Variants in GRM8 observed in about 807,000 individuals in gnomAD.
GRM8 encodes glutamate metabotropic receptor 8.
GRM8 carries 47 observed loss-of-function variants against 87.2 expected under a neutral mutation model. That is an observed-to-expected ratio of 0.54 (90% CI 0.43 to 0.69). GRM8 has a LOEUF of 0.69. Among genes scored for constraint, GRM8 ranks in the 30% least tolerant of loss-of-function variants. GRM8 has a pLI of 0.00. For synonymous variants in GRM8, 396 were observed against 404.5 expected, an observed-to-expected ratio of 0.98 and a Z score of 0.25; for missense variants, 1,019 against 1,139.2, an observed-to-expected ratio of 0.89 and a Z score of 1.52.
chr7:126,532,218 A>G (rs1814928694), intron 9 of GRM8, among the ~76,000 whole-genome samples: 1 of 152,212 alleles, frequency 6.6e-6, no homozygotes, highest in African/African-American at 2.4e-5. Context: ...TGACAAAAGA[A>G]ATTACTTTGG....
chr7:126,827,054 T>C (rs958742316), intron 6 of GRM8, among the ~76,000 whole-genome samples: 16 of 152,218 alleles, frequency 1.1e-4, no homozygotes, highest in Non-Finnish European at 2.2e-4. Flanking sequence ...CTGAGGGCTC[T>C]GTTCTGTTCC....
intron 3 of GRM8, among the ~76,000 whole-genome samples, chr7:126,921,328 C>T (rs1206995683): frequency 6.6e-6 from 1 of 151,960 alleles, no homozygotes; most frequent in Non-Finnish European, 1.5e-5. Flanking sequence ...GAAAGCAAAA[C>T]AAATGAAAAT....
At chr7:126,994,582 G>T (rs1812996962) in intron 3 of GRM8, among the ~76,000 whole-genome samples, 1 of 152,178 alleles carries the variant, frequency 6.6e-6, no homozygotes, top group Non-Finnish European at 1.5e-5. Context: ...GGCCTTAAGT[G>T]AATCTTAGTG....
At chr7:127,109,918 C>T (rs560652729) in intron 2 of GRM8, among the ~76,000 whole-genome samples, 1 of 152,302 alleles carries the variant, frequency 6.6e-6, no homozygotes, top group South Asian at 2.1e-4. Flanking sequence ...GGAGGCTGCT[C>T]TCTATGACCA....
intron 6 of GRM8, among the ~76,000 whole-genome samples, chr7:126,811,825 C>A (rs1026442832): frequency 2.6e-5 from 4 of 151,666 alleles, no homozygotes; most frequent in African/African-American, 9.7e-5. Context: ...ATTTGGCATC[C>A]TTTTTTTTCC....
At chr7:126,856,873 G>T (rs1411594962) in intron 6 of GRM8, among the ~76,000 whole-genome samples, 1 of 152,180 alleles carries the variant, frequency 6.6e-6, no homozygotes, top group Non-Finnish European at 1.5e-5. Flanking sequence ...CCTGTAGGTG[G>T]CAGACTTCTT....
Position 126,965,353 on chromosome 7 carries a change from T to C in GRM8, c.728-60670A>G, listed in dbSNP as rs151003132. ...TTTGTACCAAATATTATAGAAAACATAGACACTATCAATTAATTGGTCAGA... is the reference window on the plus strand; with the variant it reads ...TTTGTACCAAATATTATAGAAAACACAGACACTATCAATTAATTGGTCAGA... On this transcript the variant is annotated intron_variant, in intron 3 of 10. Coordinates refer to ENST00000339582, the MANE Select transcript of GRM8 (RefSeq NM_000845.3). Among the ~76,000 whole-genome samples, 274 of 152,218 alleles carry C rather than the reference T, an allele frequency of 1.8e-3. 1 individual carries two copies. Among genetic ancestry groups the C allele is most frequent in the African/African-American group, 6.4e-3 (268 of 41,560 alleles).
At chr7:126,517,122 T>G (rs1460140317) in intron 9 of GRM8, among the ~76,000 whole-genome samples, 9 of 152,096 alleles carry the variant, frequency 5.9e-5, no homozygotes, top group African/African-American at 1.7e-4. Context: ...AAACATTTTG[T>G]GTCTGTTTAG....
intron 6 of GRM8, among the ~76,000 whole-genome samples, chr7:126,862,841 G>A (rs1270829467): frequency 1.3e-5 from 2 of 151,856 alleles, no homozygotes; most frequent in South Asian, 2.1e-4. Context: ...ATGTGTTAAT[G>A]TGTGCTTTTT....
In GRM8 at chr7:126,533,742, T is replaced by C; in HGVS notation, c.1640A>G (p.Gln547Arg). The change falls in exon 9 of 11, where the codon CAG (glutamine) becomes CGG (arginine). Residue 547 changes from glutamine (Q) to arginine (R), a missense_variant. Coordinates refer to ENST00000339582, the MANE Select transcript of GRM8 (RefSeq NM_000845.3). Reference protein sequence around the residue: ...HCERCEGYNYQVDELSCELCP... With the variant: ...HCERCEGYNYRVDELSCELCP... Reference sequence around the variant, plus strand: ...AAGTTCACAGGACAGCTCATCCACCTGGTAGTTGTAACCTTCACAGCGTTC... The same window carrying C: ...AAGTTCACAGGACAGCTCATCCACCCGGTAGTTGTAACCTTCACAGCGTTC... 1 of 1,614,118 alleles carries C rather than the reference T, an allele frequency of 6.2e-7. No individual in the cohort carries two copies. Among genetic ancestry groups the C allele is most frequent in the Non-Finnish European group, 8.5e-7 (1 of 1,179,988 alleles).
At chr7:127,157,949 G>A (rs1052702668) in intron 2 of GRM8, among the ~76,000 whole-genome samples, 1 of 152,008 alleles carries the variant, frequency 6.6e-6, no homozygotes, top group African/African-American at 2.4e-5. Flanking sequence ...ACAAGAAGAA[G>A]GCTTTGCACC....
At chr7:127,156,559 C>G (rs1432897977) in intron 2 of GRM8, among the ~76,000 whole-genome samples, 3 of 152,150 alleles carry the variant, frequency 2.0e-5, no homozygotes, top group Non-Finnish European at 4.4e-5. Context: ...TCCTGGGGCA[C>G]TCCATCACCC....
chr7:126,757,392 T>C (rs1381071045), intron 7 of GRM8, among the ~76,000 whole-genome samples: 2 of 152,136 alleles, frequency 1.3e-5, no homozygotes, highest in African/African-American at 2.4e-5. Context: ...TTTCAATTTA[T>C]GAAAATTCAC....
intron 2 of GRM8, among the ~76,000 whole-genome samples, chr7:127,163,540 C>G (rs571554932): frequency 2.6e-5 from 4 of 152,256 alleles, no homozygotes; most frequent in African/African-American, 9.6e-5. Context: ...CCCTTAATTC[C>G]TTTTATAAAT....
intron 8 of GRM8, among the ~76,000 whole-genome samples, chr7:126,608,676 T>C (rs1024152032): frequency 2.0e-5 from 3 of 151,916 alleles, no homozygotes; most frequent in African/African-American, 7.3e-5. Flanking sequence ...AAAGAGGCAA[T>C]ATAAACACAG....
chr7:127,239,224 C>A (rs559802417), intron 2 of GRM8, among the ~76,000 whole-genome samples: 2 of 152,308 alleles, frequency 1.3e-5, no homozygotes, highest in East Asian at 3.9e-4. Flanking sequence ...ATTTAGGGAT[C>A]ACTTCCAAAT....
At chr7:126,814,649 C>T (rs954661) in intron 6 of GRM8, among the ~76,000 whole-genome samples, 56,278 of 151,724 alleles carry the variant, frequency 0.37, 11,720 homozygotes, top group Non-Finnish European at 0.47. Context: ...TTACCACTCT[C>T]CTTATTTTCC....
At chr7:126,455,841 T>A (rs572762771) in intron 9 of GRM8, among the ~76,000 whole-genome samples, 2 of 151,542 alleles carry the variant, frequency 1.3e-5, no homozygotes, top group Admixed American at 1.3e-4. Context: ...TGGATTCAAA[T>A]ACAGATGAAC....
intron 8 of GRM8, among the ~76,000 whole-genome samples, chr7:126,546,547 G>A (rs188170669): frequency 4.6e-5 from 7 of 152,328 alleles, no homozygotes; most frequent in Non-Finnish European, 1.0e-4. Context: ...GACAGGAGCA[G>A]GGGATGAATG....
Sources: allele counts gnomAD v4.1 joint callset (sites outside exome capture counted in the v4.1 genomes callset), GRCh38; gene constraint gnomAD v4.1.1; transcripts MANE v1.5; gene names NCBI Gene and HGNC (gene_info 2026-07-23, HGNC 2026-07-21).